ADGRL2: variants seen among roughly 807,000 people sequenced by gnomAD.
The protein encoded by ADGRL2 is calcium-independent alpha-latrotoxin receptor 2.
ADGRL2 carries 44 observed loss-of-function variants against 157.4 expected under a neutral mutation model. That is an observed-to-expected ratio of 0.28 (90% CI 0.22 to 0.36). The LOEUF (loss-of-function observed/expected upper bound fraction) is 0.36. Ranked by LOEUF, ADGRL2 falls within the 10% of genes least tolerant of loss-of-function variation. The pLI is 1.00. For missense variants in ADGRL2, 1,510 were observed against 1,768.9 expected (o/e 0.85, Z 2.63); for synonymous variants, 585 against 624.7 (o/e 0.94, Z 0.95).
intron 2 of ADGRL2, among the ~76,000 whole-genome samples, chr1:81,901,841 A>G (rs1373125447): frequency 6.6e-6 from 1 of 152,182 alleles, no homozygotes. Flanking sequence ...ATAGTGTAAA[A>G]TGGTCAAAGA....
chr1:81,332,402 A>C (rs954148380), intron 1 of ADGRL2, among the ~76,000 whole-genome samples: 4 of 152,188 alleles, frequency 2.6e-5, no homozygotes, highest in Admixed American at 2.0e-4. Context: ...CAAAAAACAT[A>C]AGAACTTTTA....
Position 81,506,798 on chromosome 1 carries a change from C to T in ADGRL2, c.-248+61709C>T, listed in dbSNP as rs115628618. On this transcript the variant is annotated intron_variant, in intron 2 of 24. Coordinates refer to the ADGRL2 transcript ENST00000370721. ...GTTGAGTTACCAAAGGCCCTGTTAA[C>T]GCCTGCAACAAAAAAGATTGCTGAA... is the stretch of plus-strand genomic sequence containing the variant. 1.0e-2 allele frequency among the ~76,000 whole-genome samples: 1,520 copies of T among 152,260 alleles called. 14 individuals carry two copies. Among genetic ancestry groups the T allele is most frequent in the African/African-American group, 0.023 (963 of 41,564 alleles).
intron 2 of ADGRL2, among the ~76,000 whole-genome samples, chr1:81,467,667 G>C (rs1302510807): frequency 1.3e-5 from 2 of 152,092 alleles, no homozygotes; most frequent in Non-Finnish European, 2.9e-5. Flanking sequence ...TATTTTTTCA[G>C]TGACTGGTAC....
intron 3 of ADGRL2, among the ~76,000 whole-genome samples, chr1:81,690,813 C>T (rs947351459): frequency 6.6e-6 from 1 of 152,154 alleles, no homozygotes; most frequent in Non-Finnish European, 1.5e-5. Flanking sequence ...GCATGTGATT[C>T]ATTTCACTCT....
intron 2 of ADGRL2, among the ~76,000 whole-genome samples, chr1:81,577,350 A>G (rs1557476785): frequency 6.6e-6 from 1 of 152,006 alleles, no homozygotes; most frequent in African/African-American, 2.4e-5. Flanking sequence ...GAGTCCTTCT[A>G]CCTTACATCT....
chr1:81,528,671 A>C (rs1290541450), intron 2 of ADGRL2, among the ~76,000 whole-genome samples: 2 of 132,776 alleles, frequency 1.5e-5, no homozygotes, highest in Non-Finnish European at 3.3e-5. Flanking sequence ...AAAAAAAAAA[A>C]AAAAGAAAAA....
chr1:81,848,064 A>G (rs1203707776), intron 2 of ADGRL2, among the ~76,000 whole-genome samples: 2 of 151,762 alleles, frequency 1.3e-5, no homozygotes, highest in Non-Finnish European at 3.0e-5. Context: ...AGTATTGTAT[A>G]GAATCAAAGA....
intron 3 of ADGRL2, among the ~76,000 whole-genome samples, chr1:81,630,449 T>C (rs1354791938): frequency 1.3e-5 from 2 of 152,166 alleles, no homozygotes; most frequent in African/African-American, 4.8e-5. Context: ...CTCATAGAGA[T>C]TATAGTTTAC....
Position 81,990,799 on chromosome 1 carries a change from C to T in ADGRL2, c.4064C>T (p.Ser1355Phe). Residue 1355 changes from serine to phenylalanine, a missense_variant, in exon 24 of 24, where the codon TCC (serine) becomes TTC (phenylalanine). Ser to Phe is a radical substitution (Grantham distance 155). This residue lies in a region of ADGRL2 where 327 missense variants were observed against 310.1 expected (regional missense o/e 1.05). Coordinates refer to ENST00000686636, the MANE Select transcript of ADGRL2 (RefSeq NM_001366006.2). ...TACCAACCCCAGAAGAAAGTGAAGT[C>T]CGAGGGAACTGACAGCTATGTCTCC... ...LLYQPQKKVK[S>F]EGTDSYVSQL... The T allele has an allele frequency of 6.2e-7, 1 of 1,614,114 alleles. No individual in the cohort carries two copies. Among genetic ancestry groups the T allele is most frequent in the Non-Finnish European group, 8.5e-7 (1 of 1,180,014 alleles).
At chr1:81,587,030 A>G (rs1026361875) in intron 3 of ADGRL2, among the ~76,000 whole-genome samples, 2 of 152,094 alleles carry the variant, frequency 1.3e-5, no homozygotes, top group Non-Finnish European at 2.9e-5. Context: ...ATCGCCAACA[A>G]GAGGAAAATG....
intron 2 of ADGRL2, among the ~76,000 whole-genome samples, chr1:81,900,742 CT>C (rs780302786): frequency 6.6e-6 from 1 of 152,150 alleles, no homozygotes; most frequent in Non-Finnish European, 1.5e-5. Flanking sequence ...ATAACTGAGT[CT>C]GACTTGTAAA....
intron 3 of ADGRL2, among the ~76,000 whole-genome samples, chr1:81,930,393 T>C (rs1204097087): frequency 6.6e-6 from 1 of 152,206 alleles, no homozygotes; most frequent in Non-Finnish European, 1.5e-5. Flanking sequence ...TGCCTTTTTA[T>C]GCTTTACACA....
intron 2 of ADGRL2, among the ~76,000 whole-genome samples, chr1:81,788,568 T>C (rs2087170747): frequency 6.6e-6 from 1 of 152,190 alleles, no homozygotes. Flanking sequence ...TTACCTAGTC[T>C]TGGGTATTCC....
At chr1:81,509,992 A>G (rs560263409) in intron 2 of ADGRL2, among the ~76,000 whole-genome samples, 2 of 152,332 alleles carry the variant, frequency 1.3e-5, no homozygotes, top group Admixed American at 1.3e-4. Flanking sequence ...CAAAAAAAGA[A>G]AGTTGAAGTG....
chr1:81,317,193 A>T (rs1179478864), intron 1 of ADGRL2, among the ~76,000 whole-genome samples: 1 of 152,164 alleles, frequency 6.6e-6, no homozygotes, highest in Non-Finnish European at 1.5e-5. Flanking sequence ...CAACCCCCAC[A>T]ACAATGACTA....
chr1:81,346,620 C>G (rs1662499763), intron 1 of ADGRL2, among the ~76,000 whole-genome samples: 2 of 152,140 alleles, frequency 1.3e-5, no homozygotes, highest in South Asian at 4.1e-4. Context: ...CTCTCACTTT[C>G]TCTCCCCACT....
At chr1:81,788,154 C>T (rs1179488031) in intron 2 of ADGRL2, among the ~76,000 whole-genome samples, 2 of 152,086 alleles carry the variant, frequency 1.3e-5, no homozygotes, top group Non-Finnish European at 2.9e-5. Context: ...GATACTTTGC[C>T]TTGGTTTTGA....
intron 3 of ADGRL2, among the ~76,000 whole-genome samples, chr1:81,649,797 C>A (rs569935607): frequency 1.3e-5 from 2 of 152,260 alleles, no homozygotes; most frequent in South Asian, 2.1e-4. Context: ...GTGAGTTAAA[C>A]GCATTCTCAG....
At chr1:81,643,722 A>G (rs2082264057) in intron 3 of ADGRL2, among the ~76,000 whole-genome samples, 1 of 152,218 alleles carries the variant, frequency 6.6e-6, no homozygotes, top group Non-Finnish European at 1.5e-5. Context: ...GAGGACAACT[A>G]CAAAACCCTG....
Sources: gnomAD v4.1 joint callset for allele counts (sites outside exome capture counted in the v4.1 genomes callset) on GRCh38, gnomAD v4.1.1 for gene constraint, gnomAD v4.1.1 regional missense constraint, MANE v1.5 for transcripts, NCBI Gene and HGNC (gene_info 2026-07-23, HGNC 2026-07-21) for gene names.